The following TP63 variants were observed in gnomAD, a reference collection of about 807,000 sequenced individuals.
The protein encoded by TP63 is tumor protein p63.
Under a neutral mutation model 82.8 loss-of-function variants are expected in TP63, and 17 were observed. The observed-to-expected ratio is 0.21, with a 90% CI of 0.14 to 0.31. TP63 has a LOEUF of 0.31. Among genes scored for constraint, TP63 ranks in the 10% least tolerant of loss-of-function variants. The pLI is 1.00. For missense variants in TP63, 648 were observed against 895.3 expected (o/e 0.72, Z 3.52); for synonymous variants, 330 against 321.7 (o/e 1.03, Z -0.28).
chr3:189,686,919 C>G (rs184130304), intron 1 of TP63, among the ~76,000 whole-genome samples: 44 of 151,912 alleles, frequency 2.9e-4, no homozygotes, highest in African/African-American at 1.1e-3. Flanking sequence ...TTAGTAGAGA[C>G]GGGGTTTCTC....
At position 189,863,984 on chromosome 3, in the gene TP63, A is replaced by G. The variant is rs1035959463; in HGVS notation, c.580-248A>G. On this transcript the variant is annotated intron_variant, in intron 4 of 13. Coordinates refer to ENST00000264731, the MANE Select transcript of TP63 (RefSeq NM_003722.5). ...TGCTAAAGGAAAATAACAGGAAATAATGGCATAAATGTGTTTTGATAAACA... is the reference window on the plus strand; with the variant it reads ...TGCTAAAGGAAAATAACAGGAAATAGTGGCATAAATGTGTTTTGATAAACA... 3.3e-5 allele frequency among the ~76,000 whole-genome samples: 5 copies of G among 152,340 alleles called. No homozygotes were observed. The South Asian group carries it at 8.3e-4, about 25-fold the overall frequency.
intron 4 of TP63, among the ~76,000 whole-genome samples, chr3:189,861,652 G>T (rs76513731): frequency 6.6e-6 from 1 of 152,110 alleles, no homozygotes; most frequent in East Asian, 1.9e-4. Flanking sequence ...AATATACTGA[G>T]AAATTAATAA....
At chr3:189,790,651 C>T (rs1331369583) in intron 3 of TP63, among the ~76,000 whole-genome samples, 1 of 151,850 alleles carries the variant, frequency 6.6e-6, no homozygotes, top group African/African-American at 2.4e-5. Flanking sequence ...GGAGGTCTAA[C>T]AACAATATTA....
chr3:189,665,618 T>C (rs1242970217), intron 1 of TP63, among the ~76,000 whole-genome samples: 1 of 152,066 alleles, frequency 6.6e-6, no homozygotes, highest in Non-Finnish European at 1.5e-5. Context: ...GATGATGATA[T>C]TGAATCACAA....
chr3:189,812,049 T>G (rs749536652), intron 4 of TP63, among the ~76,000 whole-genome samples: 1 of 152,226 alleles, frequency 6.6e-6, no homozygotes, highest in Non-Finnish European at 1.5e-5. Context: ...GAAGCTGCTG[T>G]CATTAGGGGG....
chr3:189,888,138 G>A lies in TP63; in HGVS notation c.1508-1202G>A, dbSNP rs941513177. On this transcript the variant is annotated intron_variant, in intron 11 of 13. Transcript: ENST00000264731. ...CTCCCAAAGTGCTGGGATTACAGGC[G>A]TGAGCCACCGCGCCTGGCCACACAT... 5.3e-5 allele frequency among the ~76,000 whole-genome samples: 8 copies of A among 152,244 alleles called. No homozygotes were observed. The East Asian group carries it at 5.8e-4, about 11-fold the overall frequency.
intron 3 of TP63, among the ~76,000 whole-genome samples, chr3:189,746,467 A>G (rs1466367869): frequency 6.6e-6 from 1 of 152,074 alleles, no homozygotes; most frequent in Non-Finnish European, 1.5e-5. Context: ...GAAAACACAT[A>G]AAAATATAAA....
In TP63 at chr3:189,670,715, G is replaced by A. The variant is rs546131968; in HGVS notation, c.62+39138G>A. Among the ~76,000 whole-genome samples the A allele has an allele frequency of 8.5e-5, 13 of 152,052 alleles. No homozygotes were observed. The South Asian group carries it at 2.5e-3, about 29-fold the overall frequency. ...TTGGTATAAAACAGACAAATATACC[G>A]GTGGGACAGAACAGAGAACCCAGAA... is the stretch of plus-strand genomic sequence containing the variant. On this transcript the variant is annotated intron_variant, in intron 1 of 13. Coordinates refer to ENST00000264731, the MANE Select transcript of TP63 (RefSeq NM_003722.5).
chr3:189,777,740 C>T (rs543056468), intron 3 of TP63, among the ~76,000 whole-genome samples: 3 of 150,088 alleles, frequency 2.0e-5, no homozygotes, highest in East Asian at 1.9e-4. Context: ...GTATTTCACC[C>T]GACTTTGTAA....
intron 10 of TP63, among the ~76,000 whole-genome samples, chr3:189,877,111 A>T (rs1173932456): frequency 6.6e-6 from 1 of 152,168 alleles, no homozygotes; most frequent in Non-Finnish European, 1.5e-5. Flanking sequence ...TACCTTCATG[A>T]TCATAGGCTT....
At chr3:189,765,482 G>GCAGA (rs1722888529) in intron 3 of TP63, among the ~76,000 whole-genome samples, 1 of 91,214 alleles carries the variant, frequency 1.1e-5, no homozygotes, top group Admixed American at 1.6e-4. Context: ...TGTTGCCCAG[G>GCAGA]CAGAGTGCAG....
the TP63 span, among the ~76,000 whole-genome samples, chr3:189,609,442 T>A: frequency 2.0e-5 from 3 of 152,128 alleles, no homozygotes; most frequent in Non-Finnish European, 4.4e-5. Flanking sequence ...GTTTGCTACG[T>A]ATATAAACAC....
chr3:189,768,281 T>G (rs1723095352), intron 3 of TP63, among the ~76,000 whole-genome samples: 1 of 152,146 alleles, frequency 6.6e-6, no homozygotes, highest in Admixed American at 6.5e-5. Flanking sequence ...ACTATTTACT[T>G]TTTTAGGTCA....
chr3:189,856,144 C>G (rs1291729063), intron 4 of TP63, among the ~76,000 whole-genome samples: 1 of 150,812 alleles, frequency 6.6e-6, no homozygotes, highest in Non-Finnish European at 1.5e-5. Context: ...ATAAGGTAAC[C>G]CTGGGAATAG....
At chr3:189,660,124 C>G (rs1160114400) in intron 1 of TP63, among the ~76,000 whole-genome samples, 1 of 151,910 alleles carries the variant, frequency 6.6e-6, no homozygotes, top group Non-Finnish European at 1.5e-5. Flanking sequence ...TAAATACTTT[C>G]CTAAGGCTGA....
At chr3:189,731,059 A>C (rs1720132325) in intron 1 of TP63, among the ~76,000 whole-genome samples, 1 of 152,196 alleles carries the variant, frequency 6.6e-6, no homozygotes, top group Admixed American at 6.5e-5. Context: ...ATAAAGACTT[A>C]GCACCAGGCG....
chr3:189,789,092 A>G (rs971592572), intron 3 of TP63, among the ~76,000 whole-genome samples: 8 of 152,002 alleles, frequency 5.3e-5, no homozygotes, highest in African/African-American at 1.9e-4. Flanking sequence ...CTTATTTTGT[A>G]ATTGCTTGTT....
At chr3:189,857,983 A>G (rs1286979168) in intron 4 of TP63, among the ~76,000 whole-genome samples, 1 of 152,220 alleles carries the variant, frequency 6.6e-6, no homozygotes, top group Admixed American at 6.5e-5. Context: ...ACTACTAGGC[A>G]TTTATCCAAA....
chr3:189,801,109 C>T (rs1446143282), intron 3 of TP63, among the ~76,000 whole-genome samples: 2 of 152,080 alleles, frequency 1.3e-5, no homozygotes, highest in Non-Finnish European at 2.9e-5. Context: ...TATTTTTAAA[C>T]TCACTTTCCA....
Sources: allele counts gnomAD v4.1 joint callset (sites outside exome capture counted in the v4.1 genomes callset), GRCh38; gene constraint gnomAD v4.1.1; transcripts MANE v1.5; gene names NCBI Gene and HGNC (gene_info 2026-07-23, HGNC 2026-07-21).